The following STOML3 variants were observed in gnomAD, a reference collection of about 807,000 sequenced individuals.
STOML3 encodes stomatin-like protein 3.
In STOML3, 31 loss-of-function variants were observed where a neutral mutation model predicts 29.5. The observed-to-expected ratio is 1.05, with a 90% CI of 0.79 to 1.42. STOML3 has a LOEUF of 1.42. Ranked by LOEUF, STOML3 falls within the 40% of genes most tolerant of loss-of-function variation. The pLI, the probability that STOML3 is intolerant of heterozygous loss-of-function variation, is 0.00. For missense variants in STOML3, 380 were observed against 363.0 expected (o/e 1.05, Z -0.38); for synonymous variants, 122 against 139.8 (o/e 0.87, Z 0.90).
chr13:38,990,492 T>C (rs1868957381), intron 1 of STOML3, among the ~76,000 whole-genome samples, 178 bp downstream of exon 1: 1 of 152,154 alleles, frequency 6.6e-6, no homozygotes, highest in Admixed American at 6.6e-5. Context: ...TAGACTGCCG[T>C]TCAAGAAGCA....
rs982551794 is a variant in STOML3, at chr13:38,990,769, A to G, written c.-48T>C. 1.5e-5 allele frequency: 24 copies of G among 1,591,796 alleles called. No individual in the cohort carries two copies. Among genetic ancestry groups the G allele is most frequent in the Non-Finnish European group, 2.0e-5 (23 of 1,161,394 alleles). On this transcript the variant is annotated 5_prime_UTR_variant, in exon 1 of 7. Coordinates refer to ENST00000379631, the MANE Select transcript of STOML3 (RefSeq NM_145286.3). Reference sequence around the variant, plus strand: ...ACTTGGCAATTTTTCATGGGTTTGGAGCTAAGTGTGAAGAACAGGCAGCAA... The same window carrying G: ...ACTTGGCAATTTTTCATGGGTTTGGGGCTAAGTGTGAAGAACAGGCAGCAA...
chr13:38,972,484 C>T (rs780698284), intron 4 of STOML3, 28 bp downstream of exon 4: 50 of 1,594,080 alleles, frequency 3.1e-5, no homozygotes, highest in East Asian at 6.7e-5. Context: ...AGTTTAATTT[C>T]GAGTGACATA....
At chr13:38,980,007 C>T in intron 1 of STOML3, 1 of 1,537,576 alleles carries the variant, frequency 6.5e-7, no homozygotes. Context: ...AGCCTTAACA[C>T]CAGCTGCACA....
chr13:38,985,888 TC>T (rs1252174810), intron 1 of STOML3, among the ~76,000 whole-genome samples: 1 of 131,558 alleles, frequency 7.6e-6, no homozygotes, highest in Non-Finnish European at 1.5e-5. Flanking sequence ...AGTGGCTATT[TC>T]TTTTTTTTTT....
chr13:38,978,238 C>T (rs1423799493), intron 1 of STOML3, among the ~76,000 whole-genome samples: 1 of 152,126 alleles, frequency 6.6e-6, no homozygotes, highest in Admixed American at 6.5e-5. Flanking sequence ...ACTGCAACTT[C>T]CATCTCCCAG....
chr13:38,968,468 G>A lies in STOML3; in HGVS notation c.583C>T (p.Arg195Trp), dbSNP rs749471176. 2.8e-5 allele frequency: 45 copies of A among 1,613,944 alleles called. No homozygotes were observed. The highest frequency in any genetic ancestry group is 4.5e-5 in the East Asian group (2 of 44,870). ...GATCTCTGCAACTGCACGGGAATCC[G>A]AACATCTTTGATTTCCACTCGGGCC... ...RVARVEIKDVRIPVQLQRSMA... is the reference protein window; with the variant it reads ...RVARVEIKDVWIPVQLQRSMA... Residue 195 changes from arginine to tryptophan, a missense_variant, in exon 6 of 7, where the codon CGG becomes TGG. Coordinates refer to ENST00000379631, the MANE Select transcript of STOML3 (RefSeq NM_145286.3).
chr13:38,968,077 G>T (rs1880723417), intron 6 of STOML3, among the ~76,000 whole-genome samples: 1 of 152,124 alleles, frequency 6.6e-6, no homozygotes, highest in African/African-American at 2.4e-5. Flanking sequence ...TTGAAGTAAG[G>T]CTTGGAAATT....
In STOML3 at chr13:38,990,657, A is replaced by G; in HGVS notation, c.52+13T>C. The G allele has an allele frequency of 6.2e-7, 1 of 1,613,842 alleles. No individual in the cohort carries two copies. Among genetic ancestry groups the G allele is most frequent in the Non-Finnish European group, 8.5e-7 (1 of 1,179,822 alleles). On this transcript the variant is annotated intron_variant, in intron 1 of 6. Transcript: ENST00000379631. Reference sequence around the variant, plus strand: ...TGTAAAAAACAAGCCTAAGACAGGAAAAAGGAACTTACCCACGAAATTCTC... The same window carrying G: ...TGTAAAAAACAAGCCTAAGACAGGAGAAAGGAACTTACCCACGAAATTCTC...
chr13:38,985,621 T>G (rs1479468307), intron 1 of STOML3, among the ~76,000 whole-genome samples: 2 of 152,152 alleles, frequency 1.3e-5, no homozygotes, highest in Non-Finnish European at 2.9e-5. Flanking sequence ...CAATGTTATT[T>G]ATAACAGTGG....
intron 1 of STOML3, among the ~76,000 whole-genome samples, chr13:38,984,756 T>C (rs1173493088): frequency 1.3e-5 from 2 of 152,194 alleles, no homozygotes; most frequent in African/African-American, 4.8e-5. Flanking sequence ...TGTTAAGCAG[T>C]ACATGATTGT....
rs1459865899 is a variant in STOML3 at position 38,976,582 on chromosome 13, A to G, written c.187T>C (p.Phe63Leu). Reference sequence around the variant, plus strand: ...TCAGCTTGGATGCGTCCCAGACGGAATACAACAGCACGTTCATACTCCTTA... The same window carrying G: ...TCAGCTTGGATGCGTCCCAGACGGAGTACAACAGCACGTTCATACTCCTTA... ...IIKEYERAVV[F>L]RLGRIQADKA... The change falls in exon 3 of 7, where the codon TTC becomes CTC. Residue 63 changes from phenylalanine (F) to leucine (L), a missense_variant. Physicochemically the swap from Phe to Leu is conservative, Grantham distance 22. Transcript: ENST00000379631. 6.2e-7 allele frequency: 1 copy of G among 1,614,178 alleles called. No individual in the cohort carries two copies. Among genetic ancestry groups the G allele is most frequent in the African/African-American group, 1.3e-5 (1 of 75,026 alleles).
intron 1 of STOML3, among the ~76,000 whole-genome samples, chr13:38,988,174 T>TTTATATAAAATATATG (rs1868722666): frequency 1.1e-5 from 1 of 94,034 alleles, no homozygotes; most frequent in African/African-American, 4.8e-5. Context: ...TATAATATAT[T>TTTATATAAAATATATG]ATATTTTATA....
intron 1 of STOML3, among the ~76,000 whole-genome samples, chr13:38,984,940 C>T (rs1283165995): frequency 6.6e-6 from 1 of 152,068 alleles, no homozygotes; most frequent in East Asian, 1.9e-4. Context: ...CTTTGAAGTA[C>T]AGGATGAGGG....
rs372197648 is a variant in STOML3, at chr13:38,982,250, A to T, written c.53-5453T>A. On this transcript the variant is annotated intron_variant, in intron 1 of 6. Coordinates refer to ENST00000379631, the MANE Select transcript of STOML3 (RefSeq NM_145286.3). ...TCTTAGGGCATTTTCTTTAAAAAAA[A>T]AATAATAATAATAAAACAAAAAACA... Among the ~76,000 whole-genome samples, 238 of 152,116 alleles carry T rather than the reference A, an allele frequency of 1.6e-3. 3 individuals carry two copies. The highest frequency in any genetic ancestry group is 0.014 in the East Asian group (73 of 5,188).
chr13:38,988,706 A>T (rs1379008107), intron 1 of STOML3, among the ~76,000 whole-genome samples: 1 of 139,508 alleles, frequency 7.2e-6, no homozygotes, highest in Middle Eastern at 3.7e-3. Context: ...ATCATTAAAA[A>T]GGTGAAAAAA....
rs369707861 is a variant in STOML3 at position 38,990,463 on chromosome 13, G to A, written c.52+207C>T. Among the ~76,000 whole-genome samples the A allele has an allele frequency of 1.5e-4, 23 of 151,514 alleles. No individual in the cohort carries two copies. The South Asian group carries it at 4.8e-3, about 32-fold the overall frequency. On this transcript the variant is annotated intron_variant, in intron 1 of 6. Transcript: ENST00000379631. ...AACACCAACTTTATCTAAAATTGAA[G>A]GAAAAATAAAGCAAGTTATAGACTG...
intron 1 of STOML3, among the ~76,000 whole-genome samples, chr13:38,986,680 C>T (rs1868585270): frequency 6.6e-6 from 1 of 152,174 alleles, no homozygotes; most frequent in Non-Finnish European, 1.5e-5. Flanking sequence ...TGTAATTCAT[C>T]TTCCCTCCTT....
chr13:38,985,899 TTTCTTTTCTTTC>T (rs1868497972), intron 1 of STOML3, among the ~76,000 whole-genome samples: 1 of 112,624 alleles, frequency 8.9e-6, no homozygotes, highest in Non-Finnish European at 1.7e-5. Context: ...CTTTTTTTTT[TTTCTTTTCTTTC>T]TTTTTTTTTT....
chr13:38,975,261 C>T (rs567856113), intron 3 of STOML3, among the ~76,000 whole-genome samples: 143 of 150,406 alleles, frequency 9.5e-4, no homozygotes, highest in African/African-American at 3.4e-3. Flanking sequence ...GCAGAGGTTG[C>T]AGTGAGCCGA....
Sources: allele counts gnomAD v4.1 joint callset (sites outside exome capture counted in the v4.1 genomes callset), GRCh38; gene constraint gnomAD v4.1.1; transcripts MANE v1.5; gene names NCBI Gene and HGNC (gene_info 2026-07-23, HGNC 2026-07-21).